The following CPZ variants were observed in gnomAD, a reference collection of about 807,000 sequenced individuals.
CPZ encodes the protein VEZT/CPZ fusion.
CPZ carries 103 observed loss-of-function variants against 61.8 expected under a neutral mutation model. The ratio of observed to expected loss-of-function variants is 1.67; its 90% CI spans 1.42 to 1.96. The LOEUF (loss-of-function observed/expected upper bound fraction) is 1.96. CPZ is among the 30% of genes most tolerant of loss of function. CPZ has a pLI of 0.00. For missense variants in CPZ, 1,461 were observed against 914.9 expected, an observed-to-expected ratio of 1.60 and a Z score of -7.70; for synonymous variants, 551 against 373.7, an observed-to-expected ratio of 1.47 and a Z score of -5.47.
intron 7 of CPZ, among the ~76,000 whole-genome samples, chr4:8,608,796 G>A (rs1211559022): frequency 6.6e-6 from 1 of 152,154 alleles, no homozygotes; most frequent in African/African-American, 2.4e-5. Flanking sequence ...GCAGGGAGGG[G>A]CACTGGAGGC....
At position 8,607,305 on chromosome 4, in the gene CPZ, G is replaced by C. The variant is rs1474911876; in HGVS notation, c.1107G>C (p.Gln369His). The stretch of plus-strand genomic sequence containing the variant: ...CAAAGGCAATCATGAAGTGGATGCA[G>C]ACCATACCCTTTGTGCTCTCAGCCA... ...PETKAIMKWM[Q>H]TIPFVLSASL... is the part of the protein sequence containing the mutation. Residue 369 changes from glutamine to histidine, a missense_variant, in exon 7 of 11, where the codon CAG (glutamine) becomes CAC (histidine). By Grantham distance (24) the Gln-to-His change is conservative. Transcript: ENST00000360986. 6.2e-7 allele frequency: 1 copy of C among 1,614,146 alleles called. No individual in the cohort carries two copies. Among genetic ancestry groups the C allele is most frequent in the Admixed American group, 1.7e-5 (1 of 60,020 alleles).
chr4:8,616,955 T>C (rs1483771180), intron 9 of CPZ, among the ~76,000 whole-genome samples: 1 of 152,196 alleles, frequency 6.6e-6, no homozygotes, highest in Non-Finnish European at 1.5e-5. Context: ...GATGTGCTCA[T>C]CATGGATTCC....
At chr4:8,612,339 T>C (rs1243252493) in intron 8 of CPZ, among the ~76,000 whole-genome samples, 177 bp downstream of exon 8, 1 of 136,572 alleles carries the variant, frequency 7.3e-6, no homozygotes, top group Non-Finnish European at 1.5e-5. Context: ...TCTGTCTTGA[T>C]GAAAAGCTGT....
At chr4:8,598,197 C>T (rs1044843731) in intron 1 of CPZ, among the ~76,000 whole-genome samples, 2 of 152,240 alleles carry the variant, frequency 1.3e-5, no homozygotes, top group South Asian at 2.1e-4. Context: ...CCCCATCCCA[C>T]AAGAGCTCTG....
At chr4:8,609,016 T>C (rs1715295206) in intron 7 of CPZ, among the ~76,000 whole-genome samples, 2 of 41,968 alleles carry the variant, frequency 4.8e-5, no homozygotes, top group Non-Finnish European at 1.0e-4. Context: ...TCATCATTCA[T>C]TAACTCACTC....
chr4:8,615,079 T>G (rs1716050171), intron 9 of CPZ, among the ~76,000 whole-genome samples: 1 of 151,626 alleles, frequency 6.6e-6, no homozygotes, highest in Admixed American at 6.6e-5. Context: ...GGCAGGGTTT[T>G]GGGGCCTCAG....
chr4:8,607,410 C>G lies in CPZ; in HGVS notation c.1212C>G (p.Pro404=). 1 of 1,613,980 alleles carries G rather than the reference C, an allele frequency of 6.2e-7. No individual in the cohort carries two copies. Among genetic ancestry groups the G allele is most frequent in the Admixed American group, 1.7e-5 (1 of 59,998 alleles). Residue 404 remains proline (P), a synonymous_variant, in exon 7 of 11, where the codon CCC becomes CCG. Transcript: ENST00000360986. ...CCCAGGAGGAGAAGATGTTTTCTCC[C>G]ACGCCCGACGAGAAGGTGAGAGGGC... is the stretch of plus-strand genomic sequence containing the variant. ...KHPQEEKMFS[P]TPDEKMFKLL...
chr4:8,612,839 G>A (rs1348002401), intron 8 of CPZ, among the ~76,000 whole-genome samples: 1 of 152,200 alleles, frequency 6.6e-6, no homozygotes, highest in Admixed American at 6.5e-5. Flanking sequence ...TGGAGGCCCA[G>A]GGCCACAGGT....
intron 1 of CPZ, among the ~76,000 whole-genome samples, chr4:8,593,481 C>T (rs1011575210): frequency 2.6e-5 from 4 of 152,142 alleles, no homozygotes; most frequent in African/African-American, 9.7e-5. Context: ...GAGGTCTGCC[C>T]GCACGACCTC....
Position 8,594,651 on chromosome 4 carries a change from G to C in CPZ, c.88+1730G>C, listed in dbSNP as rs146759517. ...TAAGAGGCTTAGAACTATTTCAAAA[G>C]CCGCTTTCAGACCAGTGCTGTCCAA... On this transcript the variant is annotated intron_variant, in intron 1 of 10. Transcript: ENST00000360986. Among the ~76,000 whole-genome samples the C allele has an allele frequency of 4.2e-3, 641 of 152,350 alleles. 5 individuals carry two copies. The highest frequency in any genetic ancestry group is 0.011 in the African/African-American group (476 of 41,586).
rs1433535247 is a variant in CPZ, at chr4:8,601,451, C to T, written c.450C>T (p.Phe150=). The part of the protein sequence containing the change: ...WPYFLDCHRY[F]TREDEGCYDP... ...ACTTCCTTGACTGCCACCGCTACTTCACGAGAGAGGACGAGGGCTGCTATG... is the reference window on the plus strand; with the variant it reads ...ACTTCCTTGACTGCCACCGCTACTTTACGAGAGAGGACGAGGGCTGCTATG... Residue 150 remains phenylalanine (F), a synonymous_variant, in exon 3 of 11, where the codon TTC becomes TTT. Coordinates refer to ENST00000360986, the MANE Select transcript of CPZ (RefSeq NM_001014447.3). The T allele has an allele frequency of 1.3e-6, 2 of 1,538,802 alleles. No individual in the cohort carries two copies. The highest frequency in any genetic ancestry group is 1.2e-5 in the South Asian group (1 of 82,170).
intron 9 of CPZ, chr4:8,618,058 A>C: frequency 3.6e-6 from 1 of 280,580 alleles, no homozygotes; most frequent in Non-Finnish European, 6.9e-6. Flanking sequence ...GCCTCAGCTC[A>C]GAGGGACCCA....
chr4:8,619,116 A>C, intron 10 of CPZ, 146 bp from the exon 11 acceptor site: 1 of 660,546 alleles, frequency 1.5e-6, no homozygotes, highest in Non-Finnish European at 2.6e-6. Flanking sequence ...AGGGGTGGGA[A>C]GGACGTTCCA....
At chr4:8,611,385 G>A (rs1715664558) in intron 7 of CPZ, 1 of 430,070 alleles carries the variant, frequency 2.3e-6, no homozygotes, top group Non-Finnish European at 4.8e-6. Context: ...AGCCTGTGGG[G>A]AGGGACCCAG....
At chr4:8,612,599 T>A (rs1177828442) in intron 8 of CPZ, among the ~76,000 whole-genome samples, 4 of 152,194 alleles carry the variant, frequency 2.6e-5, no homozygotes, top group Non-Finnish European at 5.9e-5. Flanking sequence ...GGACTGATAC[T>A]ACAATTGTAT....
chr4:8,606,775 C>T lies in CPZ; in HGVS notation c.945C>T (p.Asn315=), dbSNP rs199906050. ...ACGGGTGGACGAGCGGGAGGCAGAA[C>T]GCGCAGAACCTGGATCTGAACCGAA... ...GYNGWTSGRQ[N]AQNLDLNRNF... Residue 315 remains asparagine, a synonymous_variant, in exon 6 of 11, where the codon AAC becomes AAT. Transcript: ENST00000360986. 4.3e-6 allele frequency: 7 copies of T among 1,614,030 alleles called. No individual in the cohort carries two copies. Among genetic ancestry groups the T allele is most frequent in the East Asian group, 2.2e-5 (1 of 44,898 alleles).
intron 2 of CPZ, 128 bp downstream of exon 2, chr4:8,599,613 A>C (rs762999624): frequency 6.7e-7 from 1 of 1,499,082 alleles, no homozygotes; most frequent in South Asian, 1.3e-5. Context: ...CCCATTAATC[A>C]AACTAGAACC....
chr4:8,614,390 C>A lies in CPZ; in HGVS notation c.1395C>A (p.Asn465Lys), dbSNP rs1348203343. The part of the protein sequence containing the change: ...GMSDFNYLHT[N>K]CFEITVELGC... ...CCGATTTCAACTACCTGCACACCAACTGCTTTGAGATCACGGTAGAGCTGG... is the reference window on the plus strand; with the variant it reads ...CCGATTTCAACTACCTGCACACCAAATGCTTTGAGATCACGGTAGAGCTGG... Residue 465 changes from asparagine (N) to lysine (K), a missense_variant, in exon 9 of 11, where the codon AAC becomes AAA. By Grantham distance (94) the Asn-to-Lys change is moderately conservative (BLOSUM62 0). Coordinates refer to ENST00000360986, the MANE Select transcript of CPZ (RefSeq NM_001014447.3). 7 of 1,613,842 alleles carry A rather than the reference C, an allele frequency of 4.3e-6. No individual in the cohort carries two copies. The highest frequency in any genetic ancestry group is 5.9e-6 in the Non-Finnish European group (7 of 1,179,930).
At chr4:8,609,171 CCCAT>C (rs1715370888) in intron 7 of CPZ, among the ~76,000 whole-genome samples, 5 of 63,762 alleles carry the variant, frequency 7.8e-5, no homozygotes, top group African/African-American at 1.2e-4. Flanking sequence ...CATTCACTCA[CCCAT>C]TCACTCAGGC....
Sources: allele counts gnomAD v4.1 joint callset (sites outside exome capture counted in the v4.1 genomes callset), GRCh38; gene constraint gnomAD v4.1.1; transcripts MANE v1.5; gene names NCBI Gene and HGNC (gene_info 2026-07-23, HGNC 2026-07-21).